Variants in CSMD1 observed in about 807,000 individuals in gnomAD.
The protein encoded by CSMD1 is CUB and sushi domain-containing protein 1.
A neutral mutation model predicts 417.5 loss-of-function variants in CSMD1; 213 were observed. The observed-to-expected ratio is 0.51, with a 90% CI of 0.46 to 0.57. The LOEUF is 0.57. CSMD1 is among the 20% of genes least tolerant of loss of function. The pLI is 0.00. For missense variants in CSMD1, 6,923 were observed against 4,529.7 expected (o/e 1.53, Z -15.17); for synonymous variants, 2,862 against 1,736.8 (o/e 1.65, Z -16.11).
chr8:4,604,461 T>C (rs1443179834), intron 2 of CSMD1, among the ~76,000 whole-genome samples: 2 of 151,162 alleles, frequency 1.3e-5, no homozygotes, highest in Non-Finnish European at 2.9e-5. Context: ...ATCAACAAGT[T>C]CATGAATTTG....
chr8:4,052,858 T>C (rs760600070), intron 3 of CSMD1, among the ~76,000 whole-genome samples: 1 of 152,132 alleles, frequency 6.6e-6, no homozygotes, highest in African/African-American at 2.4e-5. Flanking sequence ...CCATCTCTCA[T>C]ACCACAATGA....
intron 3 of CSMD1, among the ~76,000 whole-genome samples, chr8:4,171,333 G>A (rs932750175): frequency 6.6e-6 from 1 of 151,880 alleles, no homozygotes; most frequent in African/African-American, 2.4e-5. Flanking sequence ...AGGGATTACA[G>A]TTGTGGAAAC....
At chr8:4,189,960 G>A (rs1260457587) in intron 3 of CSMD1, among the ~76,000 whole-genome samples, 7 of 151,682 alleles carry the variant, frequency 4.6e-5, no homozygotes, top group Non-Finnish European at 1.0e-4. Context: ...ATAGTGTAGT[G>A]CTTAAAAGCA....
chr8:4,313,659 A>G (rs1192001651), intron 3 of CSMD1, among the ~76,000 whole-genome samples: 1 of 152,152 alleles, frequency 6.6e-6, no homozygotes, highest in Non-Finnish European at 1.5e-5. Context: ...AATTCACTTT[A>G]GAGAGGGAAA....
intron 1 of CSMD1, among the ~76,000 whole-genome samples, chr8:4,972,249 A>G (rs538897897): frequency 6.6e-6 from 1 of 152,112 alleles, no homozygotes; most frequent in South Asian, 2.1e-4. Flanking sequence ...AAAACCATGG[A>G]ATGGGACACT....
chr8:4,010,449 G>T (rs1816457658), intron 4 of CSMD1, among the ~76,000 whole-genome samples: 1 of 152,016 alleles, frequency 6.6e-6, no homozygotes, highest in African/African-American at 2.4e-5. Context: ...GTAATCCTGG[G>T]AAAAACATAA....
chr8:4,437,303 GT>G (rs1798203710), intron 2 of CSMD1, among the ~76,000 whole-genome samples: 1 of 152,112 alleles, frequency 6.6e-6, no homozygotes, highest in South Asian at 2.1e-4. Flanking sequence ...TGATTATTTA[GT>G]TTGAGAGAAA....
intron 2 of CSMD1, among the ~76,000 whole-genome samples, chr8:4,494,280 T>C (rs1035478512): frequency 6.6e-6 from 1 of 152,240 alleles, no homozygotes; most frequent in African/African-American, 2.4e-5. Context: ...ACTTTCTTCT[T>C]ATAACTTTCA....
rs867347439 is a variant in CSMD1 at position 3,796,185 on chromosome 8, C to G, written c.819-42143G>C. Reference sequence around the variant, plus strand: ...ATCATAGATATAGATATATATCTATCATAGATATAGATATATATCTATCAT... The same window carrying G: ...ATCATAGATATAGATATATATCTATGATAGATATAGATATATATCTATCAT... On this transcript the variant is annotated intron_variant, in intron 5 of 69. Coordinates refer to ENST00000635120, the MANE Select transcript of CSMD1 (RefSeq NM_033225.6). Among the ~76,000 whole-genome samples, 41 of 24,452 alleles carry G rather than the reference C, an allele frequency of 1.7e-3. 11 individuals are homozygous for G. Among genetic ancestry groups the G allele is most frequent in the African/African-American group, 5.8e-3 (38 of 6,590 alleles). 16.0% of individuals were successfully genotyped at this position (24,452 alleles called of 152,430 possible).
intron 3 of CSMD1, among the ~76,000 whole-genome samples, chr8:4,288,979 A>C (rs993146300): frequency 6.6e-6 from 1 of 152,206 alleles, no homozygotes; most frequent in Non-Finnish European, 1.5e-5. Context: ...ATACGTGCAT[A>C]AAAATAATTT....
intron 5 of CSMD1, among the ~76,000 whole-genome samples, chr8:3,985,925 A>G (rs907495894): frequency 8.8e-6 from 1 of 113,102 alleles, no homozygotes; most frequent in Non-Finnish European, 1.9e-5. Context: ...ACCATTTTGC[A>G]TAACTCAATT....
rs147993555 is a variant in CSMD1 at position 4,007,052 on chromosome 8, A to G, written c.611-8942T>C. ...ACGGGGTTTCACCGTGTTAGCCAGGATGGTCTCGATCTCCTCACTTCGTGA... is the reference window on the plus strand; with the variant it reads ...ACGGGGTTTCACCGTGTTAGCCAGGGTGGTCTCGATCTCCTCACTTCGTGA... On this transcript the variant is annotated intron_variant, in intron 4 of 69. Transcript: ENST00000635120. Among the ~76,000 whole-genome samples, 1,230 of 151,844 alleles carry G rather than the reference A, an allele frequency of 8.1e-3. 59 individuals are homozygous for G. In the East Asian group the frequency reaches 0.14, roughly 17 times the overall value.
Position 3,205,578 on chromosome 8 carries a change from A to G in CSMD1, c.4910T>C (p.Leu1637Ser), listed in dbSNP as rs1797205521. 1 of 1,596,820 alleles carries G rather than the reference A, an allele frequency of 6.3e-7. No homozygotes were observed. Among genetic ancestry groups the G allele is most frequent in the Non-Finnish European group, 8.5e-7 (1 of 1,169,636 alleles). ...GQYTGSEGVV[L>S]SPNYPHNYTA... ...GTAATTATGGGGGTAGTTTGGTGATAAAACTACCCCTTCTGATCCCGTGTA... is the reference window on the plus strand; with the variant it reads ...GTAATTATGGGGGTAGTTTGGTGATGAAACTACCCCTTCTGATCCCGTGTA... The change falls in exon 31 of 70, where the codon TTA becomes TCA. Residue 1637 changes from leucine to serine, a missense_variant. Transcript: ENST00000635120.
intron 1 of CSMD1, among the ~76,000 whole-genome samples, chr8:4,811,157 G>A (rs957080580): frequency 6.6e-6 from 1 of 152,130 alleles, no homozygotes; most frequent in Non-Finnish European, 1.5e-5. Context: ...GGCTGTAGTG[G>A]CATCAACCAT....
intron 3 of CSMD1, 127 bp downstream of exon 3, chr8:4,419,826 A>G (rs1797145795): frequency 1.6e-6 from 1 of 619,644 alleles, no homozygotes. Flanking sequence ...ATTACACAGA[A>G]GCCAAATGTC....
chr8:4,832,315 G>C (rs1248626199), intron 1 of CSMD1, among the ~76,000 whole-genome samples: 2 of 152,254 alleles, frequency 1.3e-5, no homozygotes, highest in East Asian at 1.9e-4. Context: ...TGAGGAGATG[G>C]ACAGATTCTT....
chr8:4,103,170 C>A (rs966172737), intron 3 of CSMD1, among the ~76,000 whole-genome samples: 1 of 151,798 alleles, frequency 6.6e-6, no homozygotes, highest in East Asian at 1.9e-4. Flanking sequence ...AGCCAGTCAG[C>A]ACAAAACCAG....
intron 10 of CSMD1, among the ~76,000 whole-genome samples, chr8:3,494,192 T>C (rs1796264269): frequency 6.6e-6 from 1 of 152,208 alleles, no homozygotes; most frequent in African/African-American, 2.4e-5. Context: ...TTTATGAGGA[T>C]ACAAAGCTCT....
intron 23 of CSMD1, among the ~76,000 whole-genome samples, chr8:3,313,640 G>A (rs953633199): frequency 2.0e-5 from 3 of 152,156 alleles, no homozygotes; most frequent in South Asian, 2.1e-4. Flanking sequence ...GAGAGGATGT[G>A]GAGAAATAGG....
Sources: allele counts gnomAD v4.1 joint callset (sites outside exome capture counted in the v4.1 genomes callset), GRCh38; gene constraint gnomAD v4.1.1; transcripts MANE v1.5; gene names NCBI Gene and HGNC (gene_info 2026-07-23, HGNC 2026-07-21).